Variants in ITGB6 observed in about 807,000 individuals in gnomAD.
ITGB6 encodes integrin subunit beta 6.
Under a neutral mutation model 84.5 loss-of-function variants are expected in ITGB6, and 80 were observed. That is an observed-to-expected ratio of 0.95 (90% CI 0.79 to 1.14). The LOEUF (loss-of-function observed/expected upper bound fraction) is 1.14, where lower values mean the gene tolerates loss of function less well. ITGB6 is among the 50% of genes most tolerant of loss of function. ITGB6 has a pLI of 0.00. For synonymous variants in ITGB6, 383 were observed against 354.9 expected, an observed-to-expected ratio of 1.08 and a Z score of -0.89; for missense variants, 1,006 against 968.0, an observed-to-expected ratio of 1.04 and a Z score of -0.52.
At chr2:160,190,569 T>C (rs1686104379) in intron 4 of ITGB6, among the ~76,000 whole-genome samples, 1 of 152,324 alleles carries the variant, frequency 6.6e-6, no homozygotes, top group Admixed American at 6.5e-5. Context: ...ACTTGAGAAC[T>C]GGGACCAGGT....
intron 14 of ITGB6, among the ~76,000 whole-genome samples, chr2:160,106,786 G>A (rs1696925692): frequency 6.6e-6 from 1 of 152,128 alleles, no homozygotes; most frequent in African/African-American, 2.4e-5. Flanking sequence ...ATTTGCTTTA[G>A]GAGTTGAAGG....
rs780288634 is a variant in ITGB6 at position 160,141,990 on chromosome 2, C to G, written c.1099G>C (p.Ala367Pro). 3.1e-6 allele frequency: 5 copies of G among 1,597,136 alleles called. No homozygotes were observed. The highest frequency in any genetic ancestry group is 4.3e-6 in the Non-Finnish European group (5 of 1,168,042). ...GCTGTAAAATATCCTACTTCATAAG[C>G]TGAGATGATCAGCTGGAGAATGTTT... ...SGNILQLIIS[A>P]YEELRSEVEL... Residue 367 changes from alanine (A) to proline (P), a missense_variant, in exon 8 of 15, where the codon GCT becomes CCT. Physicochemically the swap from Ala to Pro is conservative, Grantham distance 27. Coordinates refer to ENST00000283249, the MANE Select transcript of ITGB6 (RefSeq NM_000888.5).
intron 7 of ITGB6, among the ~76,000 whole-genome samples, chr2:160,154,083 G>A (rs1574094761): frequency 6.6e-6 from 1 of 152,182 alleles, no homozygotes; most frequent in African/African-American, 2.4e-5. Flanking sequence ...CCATTACTGG[G>A]TATATACCCA....
intron 12 of ITGB6, among the ~76,000 whole-genome samples, chr2:160,115,223 C>G (rs1040903988): frequency 6.6e-6 from 1 of 152,252 alleles, no homozygotes; most frequent in Admixed American, 6.5e-5. Context: ...GACCCCCGAA[C>G]AGCCTAACTG....
rs765183944 is a variant in ITGB6, at chr2:160,137,553, C to T, written c.1541G>A (p.Arg514Lys). The T allele has an allele frequency of 5.0e-6, 8 of 1,614,122 alleles. No homozygotes were observed. Among genetic ancestry groups the T allele is most frequent in the African/African-American group, 4.0e-5 (3 of 74,944 alleles). The change falls in exon 10 of 15, where the codon AGG becomes AAG. Residue 514 changes from arginine to lysine, a missense_variant. Coordinates refer to ENST00000283249, the MANE Select transcript of ITGB6 (RefSeq NM_000888.5). ...ACACTGCCCACAGTAGCAGTCACCC[C>T]TTCCGCTGCAGGAGGGATGATCTGG... ...EAPDHPSCSG[R>K]GDCYCGQCIC...
intron 12 of ITGB6, among the ~76,000 whole-genome samples, chr2:160,120,951 C>G (rs904907394): frequency 6.8e-6 from 1 of 147,748 alleles, no homozygotes; most frequent in Non-Finnish European, 1.5e-5. Context: ...AGGAGATATA[C>G]CTAATGCTAA....
chr2:160,119,361 G>A (rs535920780), intron 12 of ITGB6, among the ~76,000 whole-genome samples: 31 of 152,028 alleles, frequency 2.0e-4, no homozygotes, highest in South Asian at 1.2e-3. Flanking sequence ...AAATAATGCC[G>A]CATATCTACA....
At chr2:160,121,740 C>T (rs1008109748) in intron 12 of ITGB6, among the ~76,000 whole-genome samples, 1 of 148,896 alleles carries the variant, frequency 6.7e-6, no homozygotes, top group Non-Finnish European at 1.5e-5. Flanking sequence ...TACACTCCAG[C>T]CGGGGAGACA....
chr2:160,120,668 T>TAAAA (rs200095827), intron 12 of ITGB6, among the ~76,000 whole-genome samples: 24 of 16,102 alleles, frequency 1.5e-3, no homozygotes, highest in African/African-American at 2.2e-3. Flanking sequence ...AGAGTATAAT[T>TAAAA]AAAAAAAAAA....
chr2:160,159,904 A>G (rs1316460233), intron 7 of ITGB6, among the ~76,000 whole-genome samples: 1 of 152,042 alleles, frequency 6.6e-6, no homozygotes, highest in African/African-American at 2.4e-5. Flanking sequence ...TTTCTCGTCT[A>G]TTTCCCCCTA....
chr2:160,194,788 A>G (rs1341145319), intron 4 of ITGB6, among the ~76,000 whole-genome samples: 1 of 152,196 alleles, frequency 6.6e-6, no homozygotes, highest in Non-Finnish European at 1.5e-5. Flanking sequence ...TGTGGTTTTA[A>G]TAGCTTATTA....
At chr2:160,177,596 A>G (rs1203251413) in intron 4 of ITGB6, among the ~76,000 whole-genome samples, 1 of 151,990 alleles carries the variant, frequency 6.6e-6, no homozygotes, top group Non-Finnish European at 1.5e-5. Flanking sequence ...ACCATCCTAA[A>G]AATATTACAT....
intron 4 of ITGB6, among the ~76,000 whole-genome samples, chr2:160,183,619 T>G (rs1685774210): frequency 6.6e-6 from 1 of 152,178 alleles, no homozygotes; most frequent in Non-Finnish European, 1.5e-5. Flanking sequence ...GGACTTGAAC[T>G]CAGCTCTGGA....
rs1314971206 is a variant in ITGB6, at chr2:160,114,145, T to C, written c.1982-1946A>G. 3.9e-5 allele frequency among the ~76,000 whole-genome samples: 6 copies of C among 152,346 alleles called. No individual in the cohort carries two copies. In the South Asian group the frequency reaches 6.2e-4, roughly 16 times the overall value. ...CTGGTCAGGGTTATTTAAGTGTTAA[T>C]GGAATGGCAGAATATGATCTTTGAG... On this transcript the variant is annotated intron_variant, in intron 12 of 14. Coordinates refer to ENST00000283249, the MANE Select transcript of ITGB6 (RefSeq NM_000888.5).
Position 160,134,130 on chromosome 2 carries a change from A to C in ITGB6, c.1660+3304T>G, listed in dbSNP as rs536087905. On this transcript the variant is annotated intron_variant, in intron 10 of 14. Transcript: ENST00000283249. Reference sequence around the variant, plus strand: ...TGAATCCAGGAGCTGGTTTTTTGAAAAGATCAACAAAATTGATAGACCACT... The same window carrying C: ...TGAATCCAGGAGCTGGTTTTTTGAACAGATCAACAAAATTGATAGACCACT... Among the ~76,000 whole-genome samples the C allele has an allele frequency of 3.3e-5, 5 of 152,318 alleles. No individual in the cohort carries two copies. The South Asian group carries it at 8.3e-4, about 25-fold the overall frequency.
chr2:160,101,649 A>G lies in ITGB6; in HGVS notation c.*87T>C. On this transcript the variant is annotated 3_prime_UTR_variant, in exon 15 of 15. Coordinates refer to ENST00000283249, the MANE Select transcript of ITGB6 (RefSeq NM_000888.5). ...CCTATTATTATCTTAAACCAACCTCATTTTGAAGCAACAAAGAGAAAAAAA... is the reference window on the plus strand; with the variant it reads ...CCTATTATTATCTTAAACCAACCTCGTTTTGAAGCAACAAAGAGAAAAAAA... 2 of 790,466 alleles carry G rather than the reference A, an allele frequency of 2.5e-6. No homozygotes were observed. Among genetic ancestry groups the G allele is most frequent in the Non-Finnish European group, 4.4e-6 (2 of 452,670 alleles). The allele number at this position is 790,466 out of a possible 1,614,324, so 49.0% of individuals were successfully genotyped here. A position where few individuals can be genotyped will look rare whatever the true frequency, so the allele number is the denominator to read the frequency against.
At chr2:160,123,958 T>G (rs1574055934) in intron 11 of ITGB6, 70 bp from the exon 12 acceptor site, 2 of 1,104,816 alleles carry the variant, frequency 1.8e-6, no homozygotes, top group Admixed American at 1.9e-5. Context: ...GAATATTGCT[T>G]TACTGCTGTT....
chr2:160,134,809 C>G (rs373522301), intron 10 of ITGB6, among the ~76,000 whole-genome samples: 88 of 152,260 alleles, frequency 5.8e-4, no homozygotes, highest in African/African-American at 1.6e-3. Flanking sequence ...AAAACCACAT[C>G]ATTATCTCAA....
At chr2:160,136,424 G>T (rs1286044485) in intron 10 of ITGB6, among the ~76,000 whole-genome samples, 3 of 151,164 alleles carry the variant, frequency 2.0e-5, no homozygotes, top group Admixed American at 6.6e-5. Flanking sequence ...AGGATGTGGA[G>T]AAATAGGAAC....
Sources: gnomAD v4.1 joint callset for allele counts (sites outside exome capture counted in the v4.1 genomes callset) on GRCh38, gnomAD v4.1.1 for gene constraint, MANE v1.5 for transcripts, NCBI Gene and HGNC (gene_info 2026-07-23, HGNC 2026-07-21) for gene names.